The following NTM variants were observed in gnomAD, a reference collection of about 807,000 sequenced individuals.
NTM encodes neurotrimin.
A neutral mutation model predicts 42.1 loss-of-function variants in NTM; 13 were observed. That is an observed-to-expected ratio of 0.31 (90% confidence interval 0.20 to 0.49). The LOEUF (loss-of-function observed/expected upper bound fraction) is 0.49. Ranked by LOEUF, NTM falls within the 20% of genes least tolerant of loss-of-function variation. NTM has a pLI of 0.99. For synonymous variants in NTM, 187 were observed against 179.2 expected, an observed-to-expected ratio of 1.04 and a Z score of -0.35; for missense variants, 373 against 452.8, an observed-to-expected ratio of 0.82 and a Z score of 1.60.
At chr11:131,885,369 G>C (rs894887597) in intron 1 of NTM, among the ~76,000 whole-genome samples, 1 of 152,194 alleles carries the variant, frequency 6.6e-6, no homozygotes. Context: ...GCCTGCACTG[G>C]CTACACAACT....
intron 4 of NTM, among the ~76,000 whole-genome samples, chr11:132,218,552 C>T (rs923616103): frequency 2.6e-5 from 4 of 152,186 alleles, no homozygotes; most frequent in East Asian, 3.9e-4. Flanking sequence ...TTTGTCAGGG[C>T]AGGCTCTCTA....
At chr11:131,530,075 G>A (rs1430003939) in intron 1 of NTM, among the ~76,000 whole-genome samples, 2 of 152,204 alleles carry the variant, frequency 1.3e-5, no homozygotes, top group Non-Finnish European at 1.5e-5. Context: ...ACTTGGGGCT[G>A]CCTCTATATC....
chr11:132,320,371 A>C (rs2095533626), intron 7 of NTM, among the ~76,000 whole-genome samples: 1 of 152,244 alleles, frequency 6.6e-6, no homozygotes, highest in Non-Finnish European at 1.5e-5. Flanking sequence ...CGGGAAGTGC[A>C]AGGGATCAGG....
chr11:132,227,374 G>C (rs1315323323), intron 4 of NTM, among the ~76,000 whole-genome samples: 1 of 152,176 alleles, frequency 6.6e-6, no homozygotes, highest in Non-Finnish European at 1.5e-5. Context: ...AGATTAATTA[G>C]AAAGAGGGAG....
At chr11:131,712,742 C>G (rs767954250) in intron 1 of NTM, among the ~76,000 whole-genome samples, 4 of 152,026 alleles carry the variant, frequency 2.6e-5, no homozygotes, top group African/African-American at 4.8e-5. Flanking sequence ...TGCCACCACA[C>G]CAGCCTAATT....
At chr11:131,790,060 G>A (rs2090711099) in intron 1 of NTM, among the ~76,000 whole-genome samples, 1 of 150,042 alleles carries the variant, frequency 6.7e-6, no homozygotes, top group Non-Finnish European at 1.5e-5. Flanking sequence ...ACTCAAATTA[G>A]TGGCCTACAA....
intron 2 of NTM, among the ~76,000 whole-genome samples, chr11:132,059,734 C>A (rs141273315): frequency 0.011 from 1,662 of 150,916 alleles, 26 homozygotes; most frequent in African/African-American, 0.037. Flanking sequence ...CGCCCCACAC[C>A]ACCCCCCATC....
intron 1 of NTM, among the ~76,000 whole-genome samples, chr11:131,425,701 A>G (rs557928876): frequency 1.3e-5 from 2 of 152,296 alleles, no homozygotes; most frequent in East Asian, 3.9e-4. Context: ...CAAGTCTCTC[A>G]ATGCAGGAGC....
intron 1 of NTM, among the ~76,000 whole-genome samples, chr11:131,419,019 C>G (rs1196925844): frequency 1.3e-5 from 2 of 152,144 alleles, no homozygotes; most frequent in Non-Finnish European, 2.9e-5. Context: ...GTGAGTCGAG[C>G]AACTCACTTG....
chr11:131,823,666 A>C (rs972196399), intron 1 of NTM, among the ~76,000 whole-genome samples: 4 of 152,236 alleles, frequency 2.6e-5, no homozygotes, highest in African/African-American at 2.4e-5. Flanking sequence ...GTTCTTGCTT[A>C]ATTGAAAGAG....
chr11:131,919,265 T>C (rs1452271170), intron 2 of NTM, among the ~76,000 whole-genome samples: 4 of 152,160 alleles, frequency 2.6e-5, no homozygotes, highest in Admixed American at 2.6e-4. Context: ...TTTAAGGTCA[T>C]TTTGCTTCCT....
intron 1 of NTM, among the ~76,000 whole-genome samples, chr11:131,375,946 C>G (rs1473198414): frequency 7.9e-5 from 12 of 152,190 alleles, no homozygotes; most frequent in Middle Eastern, 3.2e-3. Context: ...TCTGCCCACT[C>G]CCCCTACTTC....
chr11:132,220,406 A>G (rs2084901334), intron 4 of NTM, among the ~76,000 whole-genome samples: 1 of 152,230 alleles, frequency 6.6e-6, no homozygotes, highest in Non-Finnish European at 1.5e-5. Context: ...AAAATTTGCC[A>G]GTGTCAATAG....
At chr11:132,223,181 ACT>A (rs1236810196) in intron 4 of NTM, among the ~76,000 whole-genome samples, 2 of 152,242 alleles carry the variant, frequency 1.3e-5, no homozygotes, top group East Asian at 3.9e-4. Context: ...GTGTGGGGCA[ACT>A]CTCTGAGGTA....
intron 1 of NTM, among the ~76,000 whole-genome samples, chr11:131,432,839 C>CCTTTTTTTTTTTTTTTTT (rs1565494793): frequency 2.9e-5 from 2 of 68,694 alleles, no homozygotes; most frequent in African/African-American, 6.2e-5. Context: ...ATTTAGCATT[C>CCTTTTTTTTTTTTTTTTT]TTTTTTTTTT....
At chr11:131,810,097 AG>A (rs199982660) in intron 1 of NTM, among the ~76,000 whole-genome samples, 2,634 of 152,266 alleles carry the variant, frequency 0.017, 32 homozygotes, top group Middle Eastern at 0.034. Flanking sequence ...CTCGAGAAAG[AG>A]GGTTCATTAC....
chr11:132,021,968 A>G (rs375429693), intron 2 of NTM, among the ~76,000 whole-genome samples: 60 of 152,292 alleles, frequency 3.9e-4, no homozygotes, highest in Admixed American at 6.5e-4. Context: ...GCAGATTTGT[A>G]CTTGCCTAGC....
intron 1 of NTM, among the ~76,000 whole-genome samples, chr11:131,469,260 G>A (rs1286775850): frequency 6.6e-6 from 1 of 152,192 alleles, no homozygotes. Context: ...AACTACAATG[G>A]CTACTATCTT....
chr11:131,485,353 C>A (rs1425703168), intron 1 of NTM, among the ~76,000 whole-genome samples: 2 of 152,150 alleles, frequency 1.3e-5, no homozygotes, highest in Admixed American at 6.5e-5. Context: ...AATGGAGATG[C>A]GAGAGAGGCC....
Sources: allele counts gnomAD v4.1 joint callset (sites outside exome capture counted in the v4.1 genomes callset), GRCh38; gene constraint gnomAD v4.1.1; transcripts MANE v1.5; gene names NCBI Gene and HGNC (gene_info 2026-07-23, HGNC 2026-07-21).